Variants in DPP6 observed in about 807,000 individuals in gnomAD.
The protein encoded by DPP6 is dipeptidyl peptidase like 6.
DPP6 carries 69 observed loss-of-function variants against 122.6 expected under a neutral mutation model. The observed-to-expected ratio is 0.56, with a 90% confidence interval of 0.46 to 0.69. The LOEUF (loss-of-function observed/expected upper bound fraction) is 0.69. Ranked by LOEUF, DPP6 falls within the 30% of genes least tolerant of loss-of-function variation. The probability of loss-of-function intolerance (pLI) is 0.00; values close to 1 mark genes in which losing one functional copy is unlikely to be tolerated. For synonymous variants in DPP6, 418 were observed against 433.1 expected, an observed-to-expected ratio of 0.97 and a Z score of 0.43; for missense variants, 928 against 1,116.9, an observed-to-expected ratio of 0.83 and a Z score of 2.41.
chr7:153,944,235 A>G (rs1262404079), intron 1 of DPP6, among the ~76,000 whole-genome samples: 1 of 152,110 alleles, frequency 6.6e-6, no homozygotes, highest in East Asian at 1.9e-4. Flanking sequence ...CCCACCCTCA[A>G]CTAATGGGTG....
intron 1 of DPP6, among the ~76,000 whole-genome samples, chr7:154,023,692 G>A (rs1798830273): frequency 6.6e-6 from 1 of 151,954 alleles, no homozygotes; most frequent in South Asian, 2.1e-4. Context: ...ATGTTGGCCA[G>A]GCTGGTCTCG....
chr7:154,194,044 G>A (rs1045060305), intron 1 of DPP6, among the ~76,000 whole-genome samples: 8 of 152,150 alleles, frequency 5.3e-5, no homozygotes, highest in South Asian at 2.1e-4. Flanking sequence ...TGGGTGACTC[G>A]TCAGAGAAGC....
chr7:154,581,759 G>A (rs1832083421), intron 5 of DPP6, among the ~76,000 whole-genome samples: 1 of 152,186 alleles, frequency 6.6e-6, no homozygotes, highest in Non-Finnish European at 1.5e-5. Flanking sequence ...CAGAATAATC[G>A]CTCCTGGAGT....
At chr7:153,888,318 A>T (rs1799031889) in intron 1 of DPP6, among the ~76,000 whole-genome samples, 1 of 152,212 alleles carries the variant, frequency 6.6e-6, no homozygotes, top group East Asian at 1.9e-4. Flanking sequence ...GTGCCGGAGG[A>T]GGTCAGGGGC....
At chr7:154,169,106 C>T (rs1211174082) in intron 1 of DPP6, among the ~76,000 whole-genome samples, 3 of 152,138 alleles carry the variant, frequency 2.0e-5, no homozygotes, top group African/African-American at 7.2e-5. Flanking sequence ...GCTGGCTTCT[C>T]CACTTAGGGA....
chr7:154,680,209 T>C (rs947773669), intron 7 of DPP6, among the ~76,000 whole-genome samples: 10 of 152,186 alleles, frequency 6.6e-5, no homozygotes, highest in Admixed American at 1.3e-4. Context: ...GGTGGAGATT[T>C]GTTTTAACTC....
rs533975232 is a variant in DPP6 at position 154,726,163 on chromosome 7, T to C, written c.763-1604T>C. 4.1e-4 allele frequency among the ~76,000 whole-genome samples: 63 copies of C among 152,256 alleles called. No homozygotes were observed. The South Asian group carries it at 0.012, about 29-fold the overall frequency. Reference sequence around the variant, plus strand: ...ATGCATGCTGCAAGCTGTCAGTGGATCTACCATTCTAGGGTCTGGAAGACA... The same window carrying C: ...ATGCATGCTGCAAGCTGTCAGTGGACCTACCATTCTAGGGTCTGGAAGACA... On this transcript the variant is annotated intron_variant, in intron 7 of 25. Transcript: ENST00000377770.
chr7:154,662,514 G>C (rs71542534), intron 6 of DPP6, among the ~76,000 whole-genome samples: 4 of 32,454 alleles, frequency 1.2e-4, no homozygotes, highest in African/African-American at 3.7e-4. Flanking sequence ...CGTATCGGCC[G>C]TAGTGTTCAT....
At chr7:154,870,178 T>C (rs1584942006) in intron 18 of DPP6, among the ~76,000 whole-genome samples, 1 of 132,008 alleles carries the variant, frequency 7.6e-6, no homozygotes, top group Non-Finnish European at 1.6e-5. Context: ...AGAGACAGGG[T>C]CTCACTATGT....
chr7:154,718,420 T>G (rs1470349728), intron 7 of DPP6, among the ~76,000 whole-genome samples: 1 of 152,166 alleles, frequency 6.6e-6, no homozygotes, highest in Non-Finnish European at 1.5e-5. Context: ...TTGAGTTGAT[T>G]TTTTTAAGAG....
At chr7:154,520,045 T>C (rs1826844554) in intron 3 of DPP6, among the ~76,000 whole-genome samples, 1 of 152,204 alleles carries the variant, frequency 6.6e-6, no homozygotes, top group Non-Finnish European at 1.5e-5. Flanking sequence ...GTAACTGCTC[T>C]CAAAAAACGC....
the DPP6 span, among the ~76,000 whole-genome samples, chr7:153,756,352 CTG>C: frequency 1.3e-5 from 2 of 151,360 alleles, no homozygotes; most frequent in Admixed American, 1.3e-4. Context: ...TTTCAAAAAA[CTG>C]AGATCCAACA....
intron 1 of DPP6, among the ~76,000 whole-genome samples, chr7:154,173,473 C>T (rs747921017): frequency 2.6e-5 from 4 of 152,132 alleles, no homozygotes; most frequent in Non-Finnish European, 5.9e-5. Context: ...TTTTCCCTTT[C>T]ACCCTAACAA....
intron 2 of DPP6, among the ~76,000 whole-genome samples, chr7:154,450,344 C>A (rs1820252533): frequency 6.6e-6 from 1 of 152,098 alleles, no homozygotes; most frequent in Admixed American, 6.6e-5. Flanking sequence ...AGTGGTGATA[C>A]ATGTATGACT....
intron 1 of DPP6, among the ~76,000 whole-genome samples, chr7:154,433,080 C>T (rs1056185090): frequency 1.3e-4 from 19 of 150,790 alleles, no homozygotes; most frequent in Admixed American, 3.3e-4. Flanking sequence ...ACTGACTTAT[C>T]CAGGTTACAG....
At chr7:154,745,079 A>C (rs1842976113) in intron 8 of DPP6, among the ~76,000 whole-genome samples, 1 of 152,250 alleles carries the variant, frequency 6.6e-6, no homozygotes, top group Non-Finnish European at 1.5e-5. Context: ...CATGAGGTTT[A>C]ACATGGAAAA....
At chr7:154,248,014 C>T (rs1023603296) in intron 1 of DPP6, among the ~76,000 whole-genome samples, 2 of 152,048 alleles carry the variant, frequency 1.3e-5, no homozygotes, top group African/African-American at 4.8e-5. Flanking sequence ...AAGTTCGAGA[C>T]CAGGGTGTCA....
chr7:153,825,586 A>T, the DPP6 span, among the ~76,000 whole-genome samples: 1 of 151,770 alleles, frequency 6.6e-6, no homozygotes, highest in East Asian at 1.9e-4. Flanking sequence ...TTTTTGAGAC[A>T]TCTCACTCTG....
chr7:154,172,251 T>C (rs1797572846), intron 1 of DPP6, among the ~76,000 whole-genome samples: 1 of 152,116 alleles, frequency 6.6e-6, no homozygotes, highest in African/African-American at 2.4e-5. Flanking sequence ...TGAGTTTTTA[T>C]GTTGACGAGA....
Sources: allele counts gnomAD v4.1 joint callset (sites outside exome capture counted in the v4.1 genomes callset), GRCh38; gene constraint gnomAD v4.1.1; transcripts MANE v1.5; gene names NCBI Gene and HGNC (gene_info 2026-07-23, HGNC 2026-07-21).